ARHGEF17: variants seen among roughly 807,000 people sequenced by gnomAD.
ARHGEF17 encodes the protein Rho guanine nucleotide exchange factor 17, also known as 164 kDa Rho-specific guanine-nucleotide exchange factor.
Under a neutral mutation model 174.0 loss-of-function variants are expected in ARHGEF17, and 80 were observed. The observed-to-expected ratio is 0.46, with a 90% confidence interval of 0.38 to 0.55. ARHGEF17 has a LOEUF of 0.55. Among genes scored for constraint, ARHGEF17 ranks in the 20% least tolerant of loss-of-function variants. The pLI is 0.00. For synonymous variants in ARHGEF17, 1,311 were observed against 1,189.1 expected, an observed-to-expected ratio of 1.10 and a Z score of -2.11; for missense variants, 2,886 against 2,839.7, an observed-to-expected ratio of 1.02 and a Z score of -0.37.
chr11:73,340,059 G>A (rs1865346118), intron 1 of ARHGEF17, among the ~76,000 whole-genome samples: 1 of 152,138 alleles, frequency 6.6e-6, no homozygotes, highest in Non-Finnish European at 1.5e-5. Context: ...GGGTACCGTG[G>A]CCCACCTGGT....
At chr11:73,325,991 T>G (rs977635713) in intron 1 of ARHGEF17, among the ~76,000 whole-genome samples, 1 of 152,246 alleles carries the variant, frequency 6.6e-6, no homozygotes, top group Non-Finnish European at 1.5e-5. Context: ...TAACTAGTCT[T>G]GGATAATTAA....
intron 1 of ARHGEF17, among the ~76,000 whole-genome samples, chr11:73,339,982 C>G (rs1222902219): frequency 6.6e-6 from 1 of 152,154 alleles, no homozygotes; most frequent in Admixed American, 6.5e-5. Context: ...GCACATACCC[C>G]AAAGGAGATA....
chr11:73,365,659 G>C lies in ARHGEF17; in HGVS notation c.5726-19G>C. ...AGGGCCAGAATTCAGCCCCAGCTGT[G>C]GTCTGTCTCCCACCCCAGGCTCGGA... On this transcript the variant is annotated intron_variant, in intron 19 of 20. Transcript: ENST00000263674. This position sits in a 1 kb window ranked among gnomAD's most constrained non-coding sequence, Gnocchi z 4.9. 6.2e-7 allele frequency: 1 copy of C among 1,609,888 alleles called. No homozygotes were observed. Among genetic ancestry groups the C allele is most frequent in the Non-Finnish European group, 8.5e-7 (1 of 1,176,880 alleles).
In ARHGEF17 at chr11:73,368,852, G is replaced by C. The variant is rs76656955; in HGVS notation, c.*1072G>C. On this transcript the variant is annotated 3_prime_UTR_variant, in exon 21 of 21. Transcript: ENST00000263674. Reference sequence around the variant, plus strand: ...TCCCACTTGAGAGCAGCCTCTACCTGACCCCCTGGACCACAGAGAGCCACT... The same window carrying C: ...TCCCACTTGAGAGCAGCCTCTACCTCACCCCCTGGACCACAGAGAGCCACT... 1 of 152,178 alleles carries C rather than the reference G, an allele frequency of 6.6e-6. No individual in the cohort carries two copies. Among genetic ancestry groups the C allele is most frequent in the East Asian group, 1.9e-4 (1 of 5,178 alleles). 9.4% of individuals were successfully genotyped at this position (152,178 alleles called of 1,614,324 possible).
At position 73,363,257 on chromosome 11, in the gene ARHGEF17, A is replaced by G. The variant is rs1348542988; in HGVS notation, c.5048A>G (p.Glu1683Gly). The G allele has an allele frequency of 6.2e-7, 1 of 1,608,400 alleles. No individual in the cohort carries two copies. The highest frequency in any genetic ancestry group is 8.5e-7 in the Non-Finnish European group (1 of 1,176,622). Residue 1683 changes from glutamate (E) to glycine (G), a missense_variant, in exon 15 of 21, where the codon GAG becomes GGG. Glu to Gly is a moderately conservative substitution (Grantham distance 98, BLOSUM62 -2). Around this residue, in one of 4 missense-constraint regions of ARHGEF17, gnomAD observed 476 missense variants for 473.1 expected, o/e 1.01. Transcript: ENST00000263674. ...KEATAETTSSEEEQEPGFLPL... is the reference protein window; with the variant it reads ...KEATAETTSSGEEQEPGFLPL... ...GCCACGGCAGAGACCACCAGCTCAGAGGAGGAGCAGGAGCCAGGCTTCCTG... is the reference window on the plus strand; with the variant it reads ...GCCACGGCAGAGACCACCAGCTCAGGGGAGGAGCAGGAGCCAGGCTTCCTG...
chr11:73,354,299 A>C (rs987950507), intron 3 of ARHGEF17, among the ~76,000 whole-genome samples: 3 of 152,138 alleles, frequency 2.0e-5, no homozygotes, highest in Non-Finnish European at 4.4e-5. Flanking sequence ...CTGGACCCGG[A>C]GGGGTCAGCA....
intron 2 of ARHGEF17, among the ~76,000 whole-genome samples, chr11:73,348,755 T>G (rs1865504875): frequency 6.6e-6 from 1 of 152,200 alleles, no homozygotes; most frequent in Non-Finnish European, 1.5e-5. Context: ...TTTAAAATGG[T>G]AAATTTTATA....
chr11:73,337,710 A>G (rs12275766), intron 1 of ARHGEF17, among the ~76,000 whole-genome samples: 46,712 of 151,824 alleles, frequency 0.31, 9,427 homozygotes, highest in African/African-American at 0.58. Context: ...GTGAACTACC[A>G]CACCCAGCTA....
intron 9 of ARHGEF17, 81 bp downstream of exon 9, chr11:73,357,408 T>C (rs1865663742): frequency 1.5e-6 from 2 of 1,321,244 alleles, no homozygotes; most frequent in African/African-American, 2.9e-5. Context: ...CCAGCCAGTC[T>C]GGCTGCCTGT....
intron 12 of ARHGEF17, 116 bp from the exon 13 acceptor site, chr11:73,361,920 CCACA>C (rs10553377): frequency 0.27 from 307,820 of 1,127,528 alleles, 47,840 homozygotes; most frequent in African/African-American, 0.63. Flanking sequence ...TATAGGGCAT[CCACA>C]CACACACACC....
intron 1 of ARHGEF17, among the ~76,000 whole-genome samples, chr11:73,346,004 A>T (rs1489965341): frequency 6.6e-6 from 1 of 151,892 alleles, no homozygotes; most frequent in African/African-American, 2.4e-5. Flanking sequence ...GAGGAGCAGC[A>T]GGTAAGTTCA....
Position 73,311,829 on chromosome 11 carries a change from TG to T in ARHGEF17, c.3192+1del. The T allele has an allele frequency of 6.3e-7, 1 of 1,598,598 alleles. No homozygotes were observed. The highest frequency in any genetic ancestry group is 8.6e-7 in the Non-Finnish European group (1 of 1,169,386). On this transcript the variant is annotated frameshift_variant and splice_region_variant, in exon 1 of 21. Transcript: ENST00000263674. LOFTEE classifies it high-confidence loss of function. Reference protein sequence around the residue: ...PASKCCSKPQVDMRKHVAMTL... With the variant: ...PASKCCSKPQXDMRKHVAMTL... Reference sequence around the variant, plus strand: ...AGCAAGTGCTGCAGCAAGCCACAGGTGGTGAGTCCTTTGTAGGGGCCTTCAG... The same window carrying T: ...AGCAAGTGCTGCAGCAAGCCACAGGTGTGAGTCCTTTGTAGGGGCCTTCAG...
chr11:73,329,355 A>AT (rs1865159348), intron 1 of ARHGEF17, among the ~76,000 whole-genome samples: 1 of 11,454 alleles, frequency 8.7e-5, no homozygotes, highest in African/African-American at 4.5e-4. Context: ...ATATATATAT[A>AT]TATATATATA....
In ARHGEF17 at chr11:73,352,831, G is replaced by A; in HGVS notation, c.3272G>A (p.Gly1091Asp). Residue 1091 changes from glycine to aspartate, a missense_variant and splice_region_variant, in exon 3 of 21, where the codon GGC becomes GAC. By Grantham distance (94) the Gly-to-Asp change is moderately conservative. Around this residue, in one of 4 missense-constraint regions of ARHGEF17, gnomAD observed 353 missense variants for 470.3 expected, o/e 0.75. Coordinates refer to ENST00000263674, the MANE Select transcript of ARHGEF17 (RefSeq NM_014786.4). ...GCACCGACCCTGTGGGTCCTTCAGGGCTACATGCAGCCGCTGAAGCAGCCA... is the reference window on the plus strand; with the variant it reads ...GCACCGACCCTGTGGGTCCTTCAGGACTACATGCAGCCGCTGAAGCAGCCA... Reference protein sequence around the residue: ...YVESLRTLMQGYMQPLKQPEN... With the variant: ...YVESLRTLMQDYMQPLKQPEN... 1 of 1,613,836 alleles carries A rather than the reference G, an allele frequency of 6.2e-7. No homozygotes were observed. Among genetic ancestry groups the A allele is most frequent in the Middle Eastern group, 1.6e-4 (1 of 6,062 alleles).
chr11:73,351,991 A>G (rs927535170), intron 2 of ARHGEF17, among the ~76,000 whole-genome samples: 1 of 152,184 alleles, frequency 6.6e-6, no homozygotes, highest in Non-Finnish European at 1.5e-5. Context: ...TATAATTGGT[A>G]GCATATCATA....
Position 73,308,676 on chromosome 11 carries a change from G to C in ARHGEF17, c.38G>C (p.Ser13Thr), listed in dbSNP as rs112721856. 7.2e-6 allele frequency: 11 copies of C among 1,519,826 alleles called. No individual in the cohort carries two copies. The African/African-American group carries it at 1.2e-4, about 16-fold the overall frequency. The allele number at this position is 1,519,826 out of a possible 1,614,324, so 94.1% of individuals were successfully genotyped here. A position where few individuals can be genotyped will look rare whatever the true frequency, so the allele number is the denominator to read the frequency against. ...GCACCCCGGCCCCAGCTTTACCGCAGCGTCTCGTTCAAGCTGCTGGAGCGC... is the reference window on the plus strand; with the variant it reads ...GCACCCCGGCCCCAGCTTTACCGCACCGTCTCGTTCAAGCTGCTGGAGCGC... ...DGAPRPQLYRSVSFKLLERWS... is the reference protein window; with the variant it reads ...DGAPRPQLYRTVSFKLLERWS... Residue 13 changes from serine (S) to threonine (T), a missense_variant, in exon 1 of 21, where the codon AGC (serine) becomes ACC (threonine). Ser to Thr is a moderately conservative substitution (Grantham distance 58). Transcript: ENST00000263674.
intron 1 of ARHGEF17, among the ~76,000 whole-genome samples, chr11:73,333,314 G>A (rs1263224068): frequency 6.6e-6 from 1 of 152,228 alleles, no homozygotes; most frequent in Non-Finnish European, 1.5e-5. Context: ...CCTGGGTTTG[G>A]CTCAGGCTGA....
At chr11:73,328,214 G>C (rs1320531500) in intron 1 of ARHGEF17, among the ~76,000 whole-genome samples, 1 of 152,204 alleles carries the variant, frequency 6.6e-6, no homozygotes, top group Non-Finnish European at 1.5e-5. Flanking sequence ...GATGAGCTGA[G>C]CTCCCTGAGG....
intron 3 of ARHGEF17, 60 bp downstream of exon 3, chr11:73,353,072 T>TGTGG: frequency 6.3e-7 from 1 of 1,596,280 alleles, no homozygotes; most frequent in Middle Eastern, 2.1e-4. Flanking sequence ...AGGGGCTGGA[T>TGTGG]GTGGCCACGG....
Sources: gnomAD v4.1 joint callset for allele counts (sites outside exome capture counted in the v4.1 genomes callset) on GRCh38, gnomAD v4.1.1 for gene constraint, gnomAD v4.1.1 regional missense constraint, Gnocchi (gnomAD v3.1) non-coding constraint, MANE v1.5 for transcripts, NCBI Gene and HGNC (gene_info 2026-07-23, HGNC 2026-07-21) for gene names.